The following SGK2 variants were observed in gnomAD, a reference collection of about 807,000 sequenced individuals.
SGK2 encodes the protein serine/threonine-protein kinase Sgk2.
SGK2 carries 36 observed loss-of-function variants against 47.5 expected under a neutral mutation model. The ratio of observed to expected loss-of-function variants is 0.76; its 90% CI spans 0.58 to 1.00. The LOEUF is 1.00. Ranked by LOEUF, SGK2 falls within the 50% of genes least tolerant of loss-of-function variation. SGK2 has a pLI of 0.00. For missense variants in SGK2, 404 were observed against 467.4 expected, an observed-to-expected ratio of 0.86 and a Z score of 1.25; for synonymous variants, 157 against 181.9, an observed-to-expected ratio of 0.86 and a Z score of 1.10.
intron 6 of SGK2, 82 bp from the exon 7 acceptor site, chr20:43,570,535 G>T: frequency 1.1e-6 from 1 of 886,700 alleles, no homozygotes; most frequent in South Asian, 1.6e-5. Context: ...TGAGCTCGCA[G>T]CCGCACAGGG....
intron 1 of SGK2, among the ~76,000 whole-genome samples, chr20:43,564,432 A>T (rs1979559266): frequency 6.6e-6 from 1 of 152,138 alleles, no homozygotes; most frequent in South Asian, 2.1e-4. Context: ...TCAGCTCCAG[A>T]TGGTCTACAC....
chr20:43,571,101 G>A, intron 8 of SGK2, 41 bp downstream of exon 8: 5 of 1,542,798 alleles, frequency 3.2e-6, no homozygotes, highest in Non-Finnish European at 1.8e-6. Context: ...GTGTGTGTGT[G>A]TATGTGGTTG....
chr20:43,574,292 A>G (rs918770696), intron 9 of SGK2, among the ~76,000 whole-genome samples: 4 of 152,180 alleles, frequency 2.6e-5, no homozygotes, highest in Non-Finnish European at 4.4e-5. Flanking sequence ...CATGCAAGGC[A>G]TAGAGACATG....
chr20:43,566,465 C>A lies in SGK2; in HGVS notation c.-23-8C>A, dbSNP rs372074467. ...CTCTCTCATGCCTGCTCCTCCCTGT[C>A]CCCCCAGAGCTGCCTGATCATTGCT... On this transcript the variant is annotated splice_polypyrimidine_tract_variant and splice_region_variant and intron_variant, in intron 1 of 12. Coordinates refer to ENST00000373100, the MANE Select transcript of SGK2 (RefSeq NM_170693.3). 1.2e-5 allele frequency: 19 copies of A among 1,613,904 alleles called. No homozygotes were observed. The highest frequency in any genetic ancestry group is 1.5e-5 in the Non-Finnish European group (18 of 1,179,974).
In SGK2 at chr20:43,567,025, C is replaced by T. The variant is rs73620603; in HGVS notation, c.37-43C>T. The T allele has an allele frequency of 7.0e-3, 10,821 of 1,552,498 alleles. 402 individuals are homozygous for T. In the East Asian group the frequency reaches 0.12, roughly 17 times the overall value. ...CTGGGCCAGGAGAAAGGGAGGTAGC[C>T]AAGGAGTAGGGATCTGCTGATCATA... On this transcript the variant is annotated intron_variant, in intron 2 of 12. Coordinates refer to ENST00000373100, the MANE Select transcript of SGK2 (RefSeq NM_170693.3).
chr20:43,577,259 G>A (rs780941868), intron 11 of SGK2, among the ~76,000 whole-genome samples: 1 of 151,536 alleles, frequency 6.6e-6, no homozygotes, highest in Non-Finnish European at 1.5e-5. Context: ...GTTTTAGGGT[G>A]TTTTGAGCAG....
chr20:43,560,871 A>C (rs757603972), intron 1 of SGK2, among the ~76,000 whole-genome samples: 12 of 152,148 alleles, frequency 7.9e-5, no homozygotes, highest in Non-Finnish European at 1.8e-4. Context: ...TCAATAGTTG[A>C]ACAGGAAGTA....
chr20:43,563,148 A>G (rs1979493833), intron 1 of SGK2, among the ~76,000 whole-genome samples: 1 of 151,646 alleles, frequency 6.6e-6, no homozygotes, highest in African/African-American at 2.4e-5. Flanking sequence ...AAAAAAAAAA[A>G]AGAAAGAAAG....
chr20:43,567,592 C>G, intron 3 of SGK2, 73 bp from the exon 4 acceptor site: 1 of 1,387,406 alleles, frequency 7.2e-7, no homozygotes, highest in Admixed American at 1.7e-5. Context: ...TAAAAAGAAG[C>G]CCAGGTTTGT....
chr20:43,560,758 A>G (rs1979333668), intron 1 of SGK2, among the ~76,000 whole-genome samples: 1 of 152,142 alleles, frequency 6.6e-6, no homozygotes, highest in African/African-American at 2.4e-5. Context: ...GTAATTTTCC[A>G]CTTTATATAT....
intron 3 of SGK2, 106 bp downstream of exon 3, chr20:43,567,223 G>C (rs4812721): frequency 0.34 from 318,017 of 932,156 alleles, 59,519 homozygotes; most frequent in African/African-American, 0.66. Flanking sequence ...ATTCAAGACT[G>C]TCTGCCATCT....
Position 43,567,988 on chromosome 20 carries a change from A to T in SGK2, c.217A>T (p.Lys73Ter). 6.2e-7 allele frequency: 1 copy of T among 1,613,998 alleles called. No individual in the cohort carries two copies. Among genetic ancestry groups the T allele is most frequent in the South Asian group, 1.1e-5 (1 of 91,082 alleles). ...GGTACTACAGAAAAAGTCCATCTTA[A>T]AGAAGAAAGAGGTACCAGAGCTCGG... ...VKVLQKKSILKKKEQSHIMAE... is the reference protein window; with the variant it reads ...VKVLQKKSIL The change falls in exon 5 of 13, where the codon AAG (lysine) becomes TAG (stop). Residue 73 changes from lysine to a stop codon, truncating the protein, a stop_gained. Transcript: ENST00000373100. LOFTEE classifies it high-confidence loss of function.
chr20:43,566,619 G>T (rs1979737283), intron 2 of SGK2, 88 bp downstream of exon 2: 2 of 911,128 alleles, frequency 2.2e-6, no homozygotes, highest in South Asian at 3.1e-5. Flanking sequence ...CAATGTCAGG[G>T]GCTGAGAGGG....
chr20:43,565,557 C>G (rs773469183), intron 1 of SGK2, among the ~76,000 whole-genome samples: 10 of 152,302 alleles, frequency 6.6e-5, no homozygotes, highest in South Asian at 2.1e-4. Flanking sequence ...CCAGGACCCC[C>G]CCTTGTAAAG....
intron 1 of SGK2, among the ~76,000 whole-genome samples, chr20:43,564,286 A>C (rs1979550391): frequency 6.6e-6 from 1 of 152,236 alleles, no homozygotes; most frequent in African/African-American, 2.4e-5. Context: ...AAAAGGACCA[A>C]GTGCTCATTA....
In SGK2 at chr20:43,574,207, C is replaced by A. The variant is rs376710181; in HGVS notation, c.598-702C>A. ...AGCTTTTCCTGTTGCTGAGACCTTGCCCCCGACTCGGTGGCAGAGACACCA... is the reference window on the plus strand; with the variant it reads ...AGCTTTTCCTGTTGCTGAGACCTTGACCCCGACTCGGTGGCAGAGACACCA... On this transcript the variant is annotated intron_variant, in intron 9 of 12. Transcript: ENST00000373100. Among the ~76,000 whole-genome samples the A allele has an allele frequency of 1.3e-5, 2 of 152,302 alleles. 1 individual carries two copies.
chr20:43,571,521 G>A (rs1350899633), intron 8 of SGK2, among the ~76,000 whole-genome samples: 1 of 152,202 alleles, frequency 6.6e-6, no homozygotes, highest in Non-Finnish European at 1.5e-5. Flanking sequence ...GAGCTGGGGT[G>A]GGTCTCTAGG....
intron 1 of SGK2, among the ~76,000 whole-genome samples, chr20:43,563,133 C>T (rs1161809997): frequency 1.8e-5 from 2 of 109,542 alleles, no homozygotes; most frequent in African/African-American, 4.3e-5. Context: ...AAGACTCTGT[C>T]TCAAAAAAAA....
intron 11 of SGK2, among the ~76,000 whole-genome samples, chr20:43,577,756 G>A (rs1980554847): frequency 6.6e-6 from 1 of 151,036 alleles, no homozygotes; most frequent in Admixed American, 6.6e-5. Context: ...CAATTCTAAT[G>A]CCTCAGCCTA....
Sources: allele counts gnomAD v4.1 joint callset (sites outside exome capture counted in the v4.1 genomes callset), GRCh38; gene constraint gnomAD v4.1.1; transcripts MANE v1.5; gene names NCBI Gene and HGNC (gene_info 2026-07-23, HGNC 2026-07-21).